SERPINC1: variants seen among roughly 807,000 people sequenced by gnomAD.
The protein encoded by SERPINC1 is antithrombin-III.
A neutral mutation model predicts 43.4 loss-of-function variants in SERPINC1; 12 were observed. The observed-to-expected ratio is 0.28, with a 90% CI of 0.18 to 0.45. The LOEUF is 0.45. SERPINC1 is among the 20% of genes least tolerant of loss of function. The pLI is 1.00. For synonymous variants in SERPINC1, 210 were observed against 218.9 expected (o/e 0.96, Z 0.36); for missense variants, 423 against 578.8 (o/e 0.73, Z 2.76).
At chr1:173,912,694 G>A (rs1006390100) in intron 2 of SERPINC1, among the ~76,000 whole-genome samples, 2 of 151,998 alleles carry the variant, frequency 1.3e-5, no homozygotes, top group Non-Finnish European at 2.9e-5. Context: ...CTTTTTTTAG[G>A]GGGGGATTAT....
Position 173,914,552 on chromosome 1 carries a change from C to T in SERPINC1, c.408+1G>A. On this transcript the variant is annotated splice_donor_variant, in intron 2 of 6. Transcript: ENST00000367698. LOFTEE classifies it high-confidence loss of function. ...GCTGGGCAGAAGACCTTTGGTCGTA[C>T]CTCCATCAGTTGCTGGAGGGTGTCA... 1 of 1,614,028 alleles carries T rather than the reference C, an allele frequency of 6.2e-7. No homozygotes were observed. The highest frequency in any genetic ancestry group is 8.5e-7 in the Non-Finnish European group (1 of 1,180,046).
intron 1 of SERPINC1, among the ~76,000 whole-genome samples, chr1:173,916,171 A>C (rs940283227): frequency 1.3e-5 from 2 of 152,258 alleles, no homozygotes; most frequent in Non-Finnish European, 2.9e-5. Context: ...TCGATGAAGC[A>C]AATCAAGAGA....
At chr1:173,914,172 A>C (rs1657890240) in intron 2 of SERPINC1, among the ~76,000 whole-genome samples, 1 of 152,098 alleles carries the variant, frequency 6.6e-6, no homozygotes, top group South Asian at 2.1e-4. Context: ...CCACCAGAGG[A>C]GGGACTGGCA....
chr1:173,913,964 T>C (rs1657880579), intron 2 of SERPINC1, among the ~76,000 whole-genome samples: 2 of 151,224 alleles, frequency 1.3e-5, no homozygotes, highest in Non-Finnish European at 2.9e-5. Context: ...TGTAATCCCA[T>C]CTACTCAGGA....
Position 173,911,781 on chromosome 1 carries a change from G to A in SERPINC1, c.624+18C>T, listed in dbSNP as rs145617846. On this transcript the variant is annotated intron_variant, in intron 3 of 6. Coordinates refer to ENST00000367698, the MANE Select transcript of SERPINC1 (RefSeq NM_000488.4). ...GAGAGGAAGAACTCGGAGGTCAGGGGTAACATCTGCAACTCACCTTGAAGT... is the reference window on the plus strand; with the variant it reads ...GAGAGGAAGAACTCGGAGGTCAGGGATAACATCTGCAACTCACCTTGAAGT... 3.7e-4 allele frequency: 583 copies of A among 1,595,354 alleles called. 2 individuals carry two copies. In the Middle Eastern group the frequency reaches 5.8e-3, roughly 16 times the overall value.
intron 6 of SERPINC1, among the ~76,000 whole-genome samples, chr1:173,905,599 T>C (rs1291890191): frequency 6.6e-6 from 1 of 152,036 alleles, no homozygotes; most frequent in Non-Finnish European, 1.5e-5. Context: ...CGGGCACCTG[T>C]AGTCCCAGCT....
chr1:173,904,198 G>T, intron 6 of SERPINC1, 133 bp from the exon 7 acceptor site: 1 of 815,870 alleles, frequency 1.2e-6, no homozygotes, highest in South Asian at 1.5e-5. Context: ...GGTCAGGTTG[G>T]ATTCCCTCCA....
intron 3 of SERPINC1, 104 bp downstream of exon 3, chr1:173,911,695 C>T (rs896352451): frequency 1.1e-6 from 1 of 940,866 alleles, no homozygotes; most frequent in Non-Finnish European, 1.7e-6. Context: ...CTCCAGCAGT[C>T]TTCAGCAGCA....
At position 173,911,019 on chromosome 1, in the gene SERPINC1, C is replaced by T. The variant is rs1657750923; in HGVS notation, c.625-128G>A. On this transcript the variant is annotated intron_variant, in intron 3 of 6. Coordinates refer to ENST00000367698, the MANE Select transcript of SERPINC1 (RefSeq NM_000488.4). ...CCACCATTTGATTAAGAAGCCATTG[C>T]TCTAACCCAAATTGGGGAAGCCTCA... 9.7e-6 allele frequency: 10 copies of T among 1,035,358 alleles called. 1 individual carries two copies. The South Asian group carries it at 1.2e-4, about 12-fold the overall frequency. The allele number at this position is 1,035,358 out of a possible 1,614,324, so 64.1% of individuals were successfully genotyped here.
rs77439367 is a variant in SERPINC1 at position 173,915,039 on chromosome 1, C to T, written c.42-120G>A. 123 of 1,534,102 alleles carry T rather than the reference C, an allele frequency of 8.0e-5. No homozygotes were observed. In the East Asian group the frequency reaches 2.9e-3, roughly 37 times the overall value. ...CCACCTGGTGTGGCCAAGAGAAAGG[C>T]TAAATCCTTTGAACCAAGTACAGGG... On this transcript the variant is annotated intron_variant, in intron 1 of 6. Coordinates refer to ENST00000367698, the MANE Select transcript of SERPINC1 (RefSeq NM_000488.4).
intron 6 of SERPINC1, among the ~76,000 whole-genome samples, chr1:173,906,314 C>CT (rs1240615601): frequency 1.3e-5 from 2 of 152,250 alleles, no homozygotes; most frequent in Non-Finnish European, 2.9e-5. Flanking sequence ...GGCTATTACT[C>CT]TAACACAGGG....
intron 5 of SERPINC1, among the ~76,000 whole-genome samples, chr1:173,909,114 G>T (rs900225190): frequency 1.3e-5 from 2 of 152,124 alleles, no homozygotes; most frequent in Non-Finnish European, 2.9e-5. Context: ...AGTGAGCCGA[G>T]ATCGCACCGC....
At chr1:173,907,946 A>C (rs1348377934) in intron 5 of SERPINC1, among the ~76,000 whole-genome samples, 4 of 150,544 alleles carry the variant, frequency 2.7e-5, no homozygotes, top group Non-Finnish European at 5.9e-5. Context: ...ACGCCACTGC[A>C]CTCCAGCCTG....
At position 173,909,635 on chromosome 1, in the gene SERPINC1, A is replaced by G. The variant is rs761024265; in HGVS notation, c.1070T>C (p.Ile357Thr). The change falls in exon 5 of 7, where the codon ATT (isoleucine) becomes ACT (threonine). Residue 357 changes from isoleucine to threonine, a missense_variant. Coordinates refer to ENST00000367698, the MANE Select transcript of SERPINC1 (RefSeq NM_000488.4). ...CTCCTTCAAACTGAAGCCGTCCTCA[A>G]TGCGGAAGCGGGGCATGTGGACCAC... ...MLVVHMPRFR[I>T]EDGFSLKEQL... 20 of 1,613,984 alleles carry G rather than the reference A, an allele frequency of 1.2e-5. 1 individual carries two copies. In the South Asian group the frequency reaches 2.0e-4, roughly 16 times the overall value.
intron 2 of SERPINC1, among the ~76,000 whole-genome samples, chr1:173,912,781 T>C (rs1411341260): frequency 1.3e-5 from 2 of 152,140 alleles, no homozygotes; most frequent in Non-Finnish European, 2.9e-5. Context: ...TCCCAACACA[T>C]GGCGTTTGTG....
intron 5 of SERPINC1, among the ~76,000 whole-genome samples, chr1:173,909,198 G>C (rs556664219): frequency 6.6e-6 from 1 of 150,448 alleles, no homozygotes; most frequent in South Asian, 2.1e-4. Flanking sequence ...TGTCAGTGAG[G>C]CCTGTGTAAT....
At position 173,911,932 on chromosome 1, in the gene SERPINC1, C is replaced by T. The variant is rs483352852; in HGVS notation, c.491G>A (p.Arg164Gln). 2.0e-5 allele frequency: 32 copies of T among 1,613,936 alleles called. No homozygotes were observed. Among genetic ancestry groups the T allele is most frequent in the Non-Finnish European group, 2.5e-5 (29 of 1,180,022 alleles). Residue 164 changes from arginine (R) to glutamine (Q), a missense_variant, in exon 3 of 7, where the codon CGA becomes CAA. Arg to Gln is a conservative substitution (Grantham distance 43). Coordinates refer to ENST00000367698, the MANE Select transcript of SERPINC1 (RefSeq NM_000488.4). ...TAACTTGGAGGATTTGTTGGCTTTT[C>T]GATAGAGTCGGCAGTTCAGTTTGGC... is the stretch of plus-strand genomic sequence containing the variant. ...FFAKLNCRLY[R>Q]KANKSSKLVS...
chr1:173,905,192 C>CT (rs1276353362), intron 6 of SERPINC1, among the ~76,000 whole-genome samples: 2 of 152,180 alleles, frequency 1.3e-5, no homozygotes, highest in Non-Finnish European at 2.9e-5. Context: ...CCTAAGTGTT[C>CT]TTTCTTCCAA....
At chr1:173,907,560 G>T (rs761918672) in intron 5 of SERPINC1, 46 bp from the exon 6 acceptor site, 3 of 1,416,386 alleles carry the variant, frequency 2.1e-6, no homozygotes, top group Non-Finnish European at 3.0e-6. Flanking sequence ...GAGAAAGTTG[G>T]CTTCAACCCA....
Sources: allele counts gnomAD v4.1 joint callset (sites outside exome capture counted in the v4.1 genomes callset), GRCh38; gene constraint gnomAD v4.1.1; transcripts MANE v1.5; gene names NCBI Gene and HGNC (gene_info 2026-07-23, HGNC 2026-07-21).